Variants in SVEP1 observed in about 807,000 individuals in gnomAD.
SVEP1 encodes sushi, von Willebrand factor type A, EGF and pentraxin domain-containing protein 1.
In SVEP1, 164 loss-of-function variants were observed where a neutral mutation model predicts 367.3. The observed-to-expected ratio is 0.45, with a 90% CI of 0.39 to 0.51. The LOEUF is 0.51. SVEP1 is among the 20% of genes least tolerant of loss of function. The pLI, the probability that SVEP1 is intolerant of heterozygous loss-of-function variation, is 0.00. For missense variants in SVEP1, 4,117 were observed against 4,425.3 expected (o/e 0.93, Z 1.98); for synonymous variants, 1,666 against 1,611.6 (o/e 1.03, Z -0.81).
At chr9:110,377,617 C>A (rs565785979) in intron 44 of SVEP1, among the ~76,000 whole-genome samples, 2 of 152,164 alleles carry the variant, frequency 1.3e-5, no homozygotes, top group East Asian at 1.9e-4. Flanking sequence ...TTTTTTACAA[C>A]CTGATGTTTT....
intron 46 of SVEP1, among the ~76,000 whole-genome samples, chr9:110,370,932 A>G (rs939893164): frequency 6.6e-6 from 1 of 152,196 alleles, no homozygotes; most frequent in African/African-American, 2.4e-5. Flanking sequence ...TACGTATATA[A>G]TATACATATT....
At chr9:110,389,945 G>GTA (rs1288665565) in intron 40 of SVEP1, among the ~76,000 whole-genome samples, 2 of 149,654 alleles carry the variant, frequency 1.3e-5, no homozygotes, top group Non-Finnish European at 3.0e-5. Flanking sequence ...CATAATATAT[G>GTA]TATATACACA....
intron 38 of SVEP1, 89 bp downstream of exon 38, chr9:110,406,071 T>C: frequency 6.7e-7 from 1 of 1,484,158 alleles, no homozygotes; most frequent in South Asian, 1.5e-5. Context: ...GATGATGTTT[T>C]CTTCCCAATC....
intron 8 of SVEP1, 50 bp from the exon 9 acceptor site, chr9:110,489,829 ATTCTT>A: frequency 6.4e-7 from 1 of 1,563,464 alleles, no homozygotes. Flanking sequence ...AAGTGCGTTT[ATTCTT>A]TTCTGATTTA....
chr9:110,571,405 G>A (rs1381654189), intron 1 of SVEP1, among the ~76,000 whole-genome samples: 6 of 152,122 alleles, frequency 3.9e-5, no homozygotes, highest in East Asian at 1.9e-4. Context: ...CCTTAAGAGC[G>A]TGACTGTCTC....
Position 110,406,396 on chromosome 9 carries a change from T to C in SVEP1, c.9204A>G (p.Pro3068=), listed in dbSNP as rs1302398983. The change falls in exon 38 of 48, where the codon CCA becomes CCG. Residue 3068 remains proline (P), a synonymous_variant. Coordinates refer to ENST00000374469, the MANE Select transcript of SVEP1 (RefSeq NM_153366.4). The part of the protein sequence containing the change: ...HCEHTSCGSL[P]MIPNAFISET... ...CACTGATGAACGCATTTGGTATCATTGGAAGAGAACCACAAGAAGTGTGTT... is the reference window on the plus strand; with the variant it reads ...CACTGATGAACGCATTTGGTATCATCGGAAGAGAACCACAAGAAGTGTGTT... 2.2e-5 allele frequency: 36 copies of C among 1,613,954 alleles called. 1 individual carries two copies. Among genetic ancestry groups the C allele is most frequent in the Non-Finnish European group, 2.6e-5 (31 of 1,179,918 alleles).
chr9:110,375,465 TAAAAA>T lies in SVEP1; in HGVS notation c.10505-7_10505-3del, dbSNP rs71373993. On this transcript the variant is annotated splice_region_variant and splice_polypyrimidine_tract_variant and intron_variant, in intron 45 of 47. Transcript: ENST00000374469. ...TCAGACAGGGAAGAATGCAGATTGC[TAAAAA>T]AAAAAAAAAAAAAAAAAAAAGGAGG... The T allele has an allele frequency of 0.041, 22,527 of 551,082 alleles. 16 individuals carry two copies. The highest frequency in any genetic ancestry group is 0.061 in the Middle Eastern group (105 of 1,734). 34.1% of individuals were successfully genotyped at this position (551,082 alleles called of 1,614,324 possible).
chr9:110,412,529 A>C (rs936026169), intron 36 of SVEP1, among the ~76,000 whole-genome samples: 94 of 152,066 alleles, frequency 6.2e-4, no homozygotes, highest in Non-Finnish European at 8.7e-4. Context: ...GCAACAAAAG[A>C]CAAAATTGAC....
In SVEP1 at chr9:110,411,474, T is replaced by G; in HGVS notation, c.6237A>C (p.Ile2079=). ...PPEGQDMPRC[I]AHFCEKPPSV... ...ATGGAGGTTTTTCACAGAAATGAGCTATACAACGGGGCATGTCTTGACCTT... is the reference window on the plus strand; with the variant it reads ...ATGGAGGTTTTTCACAGAAATGAGCGATACAACGGGGCATGTCTTGACCTT... Residue 2079 remains isoleucine, a synonymous_variant, in exon 37 of 48, where the codon ATA becomes ATC. Coordinates refer to ENST00000374469, the MANE Select transcript of SVEP1 (RefSeq NM_153366.4). The G allele has an allele frequency of 6.2e-7, 1 of 1,614,052 alleles. No homozygotes were observed. The highest frequency in any genetic ancestry group is 8.5e-7 in the Non-Finnish European group (1 of 1,179,906).
At position 110,454,746 on chromosome 9, in the gene SVEP1, G is replaced by A. The variant is rs1449967344; in HGVS notation, c.3787+844C>T. ...TACTGCATGTTCTCACTTAAAATGG[G>A]AGCTAAACATTGAGTACACATGGAA... On this transcript the variant is annotated intron_variant, in intron 22 of 47. Coordinates refer to ENST00000374469, the MANE Select transcript of SVEP1 (RefSeq NM_153366.4). 2.6e-5 allele frequency among the ~76,000 whole-genome samples: 4 copies of A among 152,158 alleles called. No individual in the cohort carries two copies. In the East Asian group the frequency reaches 7.7e-4, roughly 29 times the overall value.
At chr9:110,453,626 G>A (rs1227370622) in intron 22 of SVEP1, among the ~76,000 whole-genome samples, 2 of 152,118 alleles carry the variant, frequency 1.3e-5, no homozygotes, top group Non-Finnish European at 2.9e-5. Flanking sequence ...CCAGCACTTT[G>A]GGAGGCTGGA....
At chr9:110,565,376 A>G (rs1298701192) in intron 1 of SVEP1, among the ~76,000 whole-genome samples, 3 of 152,194 alleles carry the variant, frequency 2.0e-5, no homozygotes, top group Non-Finnish European at 4.4e-5. Context: ...CTTGGGTTAC[A>G]TTTTATTTCA....
intron 40 of SVEP1, 65 bp from the exon 41 acceptor site, chr9:110,389,652 G>A (rs1247957604): frequency 2.3e-5 from 37 of 1,577,758 alleles, no homozygotes; most frequent in Non-Finnish European, 3.0e-5. Flanking sequence ...ATAAGGAAAT[G>A]CAAAGTAATC....
intron 42 of SVEP1, 53 bp from the exon 43 acceptor site, chr9:110,386,127 T>C: frequency 6.4e-7 from 1 of 1,566,560 alleles, no homozygotes; most frequent in East Asian, 2.3e-5. Context: ...TTTCCTAATG[T>C]ATTTCTTTGA....
At chr9:110,402,204 C>T (rs1827873999) in intron 39 of SVEP1, among the ~76,000 whole-genome samples, 1 of 152,080 alleles carries the variant, frequency 6.6e-6, no homozygotes, top group Non-Finnish European at 1.5e-5. Flanking sequence ...GTGATGACTC[C>T]TTTATCAGAA....
chr9:110,395,005 C>G (rs543261217), intron 40 of SVEP1, among the ~76,000 whole-genome samples: 10 of 152,248 alleles, frequency 6.6e-5, no homozygotes, highest in Non-Finnish European at 1.3e-4. Flanking sequence ...CAGAGACCAC[C>G]ACAAAGATAC....
chr9:110,411,787 A>G (rs1298175505), intron 36 of SVEP1, 52 bp from the exon 37 acceptor site: 1 of 1,418,882 alleles, frequency 7.0e-7, no homozygotes, highest in African/African-American at 1.4e-5. Context: ...TTTGAGAAAA[A>G]GTGTTTGTGT....
intron 6 of SVEP1, among the ~76,000 whole-genome samples, chr9:110,500,187 T>C (rs972354266): frequency 1.3e-5 from 2 of 152,284 alleles, no homozygotes; most frequent in Middle Eastern, 3.4e-3. Flanking sequence ...CCATTTTTTT[T>C]CCAAGAAATG....
chr9:110,463,193 T>G (rs758882733), intron 18 of SVEP1, among the ~76,000 whole-genome samples: 9 of 133,998 alleles, frequency 6.7e-5, no homozygotes. Flanking sequence ...TCTTTTCTTC[T>G]CCTATAGATC....
Sources: gnomAD v4.1 joint callset for allele counts (sites outside exome capture counted in the v4.1 genomes callset) on GRCh38, gnomAD v4.1.1 for gene constraint, MANE v1.5 for transcripts, NCBI Gene and HGNC (gene_info 2026-07-23, HGNC 2026-07-21) for gene names.